The following BANP variants were observed in gnomAD, a reference collection of about 807,000 sequenced individuals.
BANP encodes the protein protein BANP.
A neutral mutation model predicts 68.1 loss-of-function variants in BANP; 11 were observed. That is an observed-to-expected ratio of 0.16 (90% CI 0.10 to 0.27). BANP has a LOEUF of 0.27. Ranked by LOEUF, BANP falls within the 10% of genes least tolerant of loss-of-function variation. The pLI, the probability that BANP is intolerant of heterozygous loss-of-function variation, is 1.00. For missense variants in BANP, 504 were observed against 722.7 expected, an observed-to-expected ratio of 0.70 and a Z score of 3.47; for synonymous variants, 329 against 303.2, an observed-to-expected ratio of 1.09 and a Z score of -0.88.
rs1351818773 is a variant in BANP at position 88,071,538 on chromosome 16, T to G, written c.1378-531T>G. ...CCCATCTTGGAACTGGGCCTCACTTTCCTGCGAGCTTCTGCTGGGTTCTCA... is the reference window on the plus strand; with the variant it reads ...CCCATCTTGGAACTGGGCCTCACTTGCCTGCGAGCTTCTGCTGGGTTCTCA... On this transcript the variant is annotated intron_variant, in intron 12 of 13. Coordinates refer to ENST00000682872, the MANE Select transcript of BANP (RefSeq NM_001386991.1). This position sits in a 1 kb window ranked among gnomAD's most constrained non-coding sequence, Gnocchi z 6.5. The G allele has an allele frequency of 2.2e-6, 1 of 456,608 alleles. No individual in the cohort carries two copies. The highest frequency in any genetic ancestry group is 6.9e-5 in the East Asian group (1 of 14,390). The allele number at this position is 456,608 out of a possible 1,614,324, so 28.3% of individuals were successfully genotyped here.
upstream of BANP, among the ~76,000 whole-genome samples, chr16:87,951,142 G>A (rs995152120): frequency 6.6e-6 from 1 of 152,204 alleles, no homozygotes. Flanking sequence ...GAGCTAATGC[G>A]TATTCATTCC....
rs1231636976 is a variant in BANP, at chr16:88,006,166, G to T, written c.556G>T (p.Glu186Ter). Residue 186 changes from glutamate (E) to a stop codon, truncating the protein, a stop_gained, in exon 6 of 14, where the codon GAG becomes TAG. Coordinates refer to ENST00000682872, the MANE Select transcript of BANP (RefSeq NM_001386991.1). LOFTEE classifies it high-confidence loss of function. ...AGAAGACAGCCACCACGAGGACGGG[G>T]AGAGCGGCTCGGAGGCCAGCGACTC... ...GQEDSHHEDGESGSEASDSVS... is the reference protein window; with the variant it reads ...GQEDSHHEDG 6.2e-7 allele frequency: 1 copy of T among 1,613,942 alleles called. No homozygotes were observed. The highest frequency in any genetic ancestry group is 1.3e-5 in the African/African-American group (1 of 74,936).
At chr16:88,066,497 G>A (rs189051785) in intron 12 of BANP, among the ~76,000 whole-genome samples, 4 of 152,288 alleles carry the variant, frequency 2.6e-5, no homozygotes, top group African/African-American at 7.2e-5. Flanking sequence ...CTTCGACTCG[G>A]TGTCTGACAC....
intron 1 of BANP, among the ~76,000 whole-genome samples, chr16:87,959,645 C>G (rs541395583): frequency 6.6e-6 from 1 of 152,322 alleles, no homozygotes; most frequent in African/African-American, 2.4e-5. Context: ...TTGGGAGGGA[C>G]ACATGGAGCA....
At chr16:87,968,953 T>A (rs1241534299) in intron 1 of BANP, among the ~76,000 whole-genome samples, 1 of 152,142 alleles carries the variant, frequency 6.6e-6, no homozygotes, top group African/African-American at 2.4e-5. Flanking sequence ...GAAAAATAAT[T>A]TCCTTTTCAC....
At chr16:87,966,986 C>T (rs11117320) in intron 1 of BANP, 97,277 of 152,346 alleles carry the variant, frequency 0.64, 31,461 homozygotes, top group African/African-American at 0.68. Flanking sequence ...CCTCCTTCCA[C>T]GCCTGGCACC....
At chr16:88,049,681 A>G (rs1411360640) in intron 11 of BANP, among the ~76,000 whole-genome samples, 1 of 152,156 alleles carries the variant, frequency 6.6e-6, no homozygotes, top group African/African-American at 2.4e-5. Context: ...GGACAAAACC[A>G]GTATCTCTCG....
intron 7 of BANP, among the ~76,000 whole-genome samples, chr16:88,022,059 A>T (rs1171328465): frequency 6.6e-6 from 1 of 151,838 alleles, no homozygotes; most frequent in African/African-American, 2.4e-5. Context: ...GGATTGGTGG[A>T]CCCCCCGAAT....
At chr16:87,958,676 C>T (rs992535409) in intron 1 of BANP, among the ~76,000 whole-genome samples, 64 of 152,222 alleles carry the variant, frequency 4.2e-4, no homozygotes, top group Non-Finnish European at 4.9e-4. Flanking sequence ...GCACTCCAGC[C>T]TGGGCGGCAG....
intron 1 of BANP, among the ~76,000 whole-genome samples, chr16:87,956,093 C>T (rs769255928): frequency 6.6e-6 from 1 of 152,138 alleles, no homozygotes; most frequent in African/African-American, 2.4e-5. Context: ...GCAGCTCCCC[C>T]GTCAGGATTG....
chr16:88,009,271 G>C (rs2072281681), intron 6 of BANP, among the ~76,000 whole-genome samples: 1 of 152,172 alleles, frequency 6.6e-6, no homozygotes, highest in African/African-American at 2.4e-5. Context: ...TTAGGAATAT[G>C]GGAAGTGCTA....
chr16:88,073,499 A>G (rs1242897984), intron 13 of BANP, among the ~76,000 whole-genome samples: 1 of 152,100 alleles, frequency 6.6e-6, no homozygotes, highest in Non-Finnish European at 1.5e-5. Flanking sequence ...CTCACTGGAG[A>G]TGCGCTGGAA....
chr16:88,073,138 C>T (rs531156242), intron 13 of BANP, among the ~76,000 whole-genome samples: 146 of 152,378 alleles, frequency 9.6e-4, no homozygotes, highest in South Asian at 1.9e-3. Context: ...GAGGGGTCCT[C>T]CTCAGGAGGC....
At position 88,022,140 on chromosome 16, in the gene BANP, G is replaced by A. The variant is rs112046870; in HGVS notation, c.895+3473G>A. ...TTATTGCAACTTGGAAAACCTTGGA[G>A]CATTTTCCTAAGGAATGTGCTCTCA... On this transcript the variant is annotated intron_variant, in intron 7 of 13. Coordinates refer to ENST00000682872, the MANE Select transcript of BANP (RefSeq NM_001386991.1). 6.7e-3 allele frequency among the ~76,000 whole-genome samples: 1,020 copies of A among 152,322 alleles called. 11 individuals are homozygous for A. The highest frequency in any genetic ancestry group is 0.021 in the African/African-American group (854 of 41,568).
chr16:87,977,291 C>T (rs1452573725), intron 2 of BANP, among the ~76,000 whole-genome samples: 2 of 152,108 alleles, frequency 1.3e-5, no homozygotes, highest in Admixed American at 6.5e-5. Context: ...TGGTGGCGGG[C>T]GCCTGTAGTC....
chr16:88,031,796 C>T (rs1160353021), intron 8 of BANP, among the ~76,000 whole-genome samples: 1 of 127,080 alleles, frequency 7.9e-6, no homozygotes, highest in African/African-American at 2.9e-5. Context: ...CCCGCTCTTG[C>T]CCTCCCCTCT....
At chr16:88,035,241 A>G in intron 9 of BANP, 82 bp from the exon 10 acceptor site, 5 of 1,262,194 alleles carry the variant, frequency 4.0e-6, no homozygotes, top group Non-Finnish European at 4.5e-6. Context: ...GATAATCAAG[A>G]ACAAACATTC....
chr16:87,954,046 G>A (rs540466107), intron 1 of BANP, among the ~76,000 whole-genome samples: 15 of 152,200 alleles, frequency 9.9e-5, no homozygotes, highest in Non-Finnish European at 1.6e-4. Flanking sequence ...CTGGTGCTTT[G>A]TCCTTCAGCT....
At chr16:87,955,653 A>G (rs2057894629) in intron 1 of BANP, among the ~76,000 whole-genome samples, 1 of 151,988 alleles carries the variant, frequency 6.6e-6, no homozygotes, top group Admixed American at 6.6e-5. Context: ...ATATTTACAT[A>G]GTCACAAAGT....
Sources: allele counts gnomAD v4.1 joint callset (sites outside exome capture counted in the v4.1 genomes callset), GRCh38; gene constraint gnomAD v4.1.1; non-coding constraint Gnocchi (gnomAD v3.1); transcripts MANE v1.5; gene names NCBI Gene and HGNC (gene_info 2026-07-23, HGNC 2026-07-21).